The following PRKCE variants were observed in gnomAD, a reference collection of about 807,000 sequenced individuals.
PRKCE encodes protein kinase C epsilon type.
In PRKCE, 16 loss-of-function variants were observed where a neutral mutation model predicts 85.4. That is an observed-to-expected ratio of 0.19 (90% CI 0.13 to 0.28). The LOEUF (loss-of-function observed/expected upper bound fraction) is 0.28, where lower values mean the gene tolerates loss of function less well. PRKCE is among the 10% of genes least tolerant of loss of function. The pLI is 1.00. For missense variants in PRKCE, 573 were observed against 975.2 expected (o/e 0.59, Z 5.49); for synonymous variants, 388 against 371.5 (o/e 1.04, Z -0.51).
chr2:45,672,672 G>T (rs910801085), intron 1 of PRKCE, among the ~76,000 whole-genome samples: 1 of 152,170 alleles, frequency 6.6e-6, no homozygotes, highest in South Asian at 2.1e-4. Flanking sequence ...CTATTTGGTT[G>T]AGATTACCAT....
chr2:45,746,072 G>T lies in PRKCE; in HGVS notation c.348+93624G>T, dbSNP rs752307404. On this transcript the variant is annotated intron_variant, in intron 1 of 14. Transcript: ENST00000306156. ...GAAGGAAGTTAGGCAGCAATCCTAA[G>T]TATCTGTCTCTGCTTTCCGAGATGT... is the stretch of plus-strand genomic sequence containing the variant. Among the ~76,000 whole-genome samples the T allele has an allele frequency of 9.2e-5, 14 of 152,186 alleles. 1 individual carries two copies. Among genetic ancestry groups the T allele is most frequent in the Non-Finnish European group, 1.5e-4 (10 of 68,030 alleles).
At chr2:45,909,373 A>G (rs917389619) in intron 2 of PRKCE, among the ~76,000 whole-genome samples, 3 of 152,168 alleles carry the variant, frequency 2.0e-5, no homozygotes, top group Non-Finnish European at 2.9e-5. Context: ...GCTGATATTA[A>G]CAATTCAACA....
chr2:46,154,652 T>A (rs1206040039), intron 13 of PRKCE, among the ~76,000 whole-genome samples: 28 of 151,808 alleles, frequency 1.8e-4, no homozygotes, highest in Admixed American at 1.8e-3. Context: ...CTTCTCCATC[T>A]CCTTTGCTAC....
chr2:45,972,758 G>A (rs1413000027), intron 2 of PRKCE, among the ~76,000 whole-genome samples: 1 of 152,188 alleles, frequency 6.6e-6, no homozygotes, highest in African/African-American at 2.4e-5. Context: ...TCTTGTTGAA[G>A]ATCAGTTGAC....
At chr2:46,040,381 C>T (rs1388226951) in intron 10 of PRKCE, among the ~76,000 whole-genome samples, 1 of 152,204 alleles carries the variant, frequency 6.6e-6, no homozygotes, top group Non-Finnish European at 1.5e-5. Flanking sequence ...GGAGGACAGA[C>T]AGATGGCAGA....
chr2:45,847,403 T>C (rs1205061854), intron 2 of PRKCE, among the ~76,000 whole-genome samples: 3 of 152,240 alleles, frequency 2.0e-5, no homozygotes, highest in South Asian at 2.1e-4. Flanking sequence ...TCAAATCCCT[T>C]AACCTTTCAG....
intron 1 of PRKCE, among the ~76,000 whole-genome samples, chr2:45,669,884 G>A (rs1676076791): frequency 6.6e-6 from 1 of 152,144 alleles, no homozygotes; most frequent in African/African-American, 2.4e-5. Context: ...GGAGGCAGGT[G>A]CCAGTAATCC....
intron 1 of PRKCE, among the ~76,000 whole-genome samples, chr2:45,840,866 A>G (rs1266296137): frequency 6.6e-6 from 1 of 152,154 alleles, no homozygotes; most frequent in Non-Finnish European, 1.5e-5. Context: ...TGTGGTGCTC[A>G]TGGTATAGCT....
chr2:46,177,783 A>T (rs1047478350), intron 14 of PRKCE, among the ~76,000 whole-genome samples: 1 of 152,248 alleles, frequency 6.6e-6, no homozygotes, highest in African/African-American at 2.4e-5. Flanking sequence ...TACAACTAAG[A>T]TAGTGTCAAT....
intron 10 of PRKCE, among the ~76,000 whole-genome samples, chr2:46,056,223 C>T (rs374091793): frequency 6.0e-5 from 9 of 151,156 alleles, no homozygotes; most frequent in Admixed American, 2.0e-4. Flanking sequence ...TACTTCTTCA[C>T]GGTTAATGTT....
chr2:45,653,370 GTTTTTTTTTTTTT>G (rs34888247), intron 1 of PRKCE, among the ~76,000 whole-genome samples: 6 of 61,464 alleles, frequency 9.8e-5, no homozygotes, highest in Non-Finnish European at 1.5e-4. Context: ...TTTTTGGGTT[GTTTTTTTTTTTTT>G]TTTTTTTTTT....
At chr2:45,993,975 G>C (rs564080563) in intron 6 of PRKCE, among the ~76,000 whole-genome samples, 1 of 151,724 alleles carries the variant, frequency 6.6e-6, no homozygotes, top group Non-Finnish European at 1.5e-5. Flanking sequence ...TGGGCATCTT[G>C]GGTTCAGTAG....
chr2:45,957,952 A>G (rs1405021464), intron 2 of PRKCE, among the ~76,000 whole-genome samples: 1 of 147,588 alleles, frequency 6.8e-6, no homozygotes, highest in Non-Finnish European at 1.5e-5. Flanking sequence ...TCCTGGTCAC[A>G]TCATCCCTAA....
At chr2:45,947,626 A>G (rs1304878434) in intron 2 of PRKCE, among the ~76,000 whole-genome samples, 1 of 152,202 alleles carries the variant, frequency 6.6e-6, no homozygotes, top group Non-Finnish European at 1.5e-5. Context: ...GGCAGCTTGG[A>G]GACATCTTTT....
Position 46,159,849 on chromosome 2 carries a change from G to GT in PRKCE, c.2067+98dup. The GT allele has an allele frequency of 1.4e-6, 2 of 1,465,272 alleles. No homozygotes were observed. The highest frequency in any genetic ancestry group is 1.8e-6 in the Non-Finnish European group (2 of 1,084,878). The allele number at this position is 1,465,272 out of a possible 1,614,324, so 90.8% of individuals were successfully genotyped here. A position where few individuals can be genotyped will look rare whatever the true frequency, so the allele number is the denominator to read the frequency against. Reference sequence around the variant, plus strand: ...CCAGGAAGAGTTGGTCAGGGGATGCGTATTACAGTAAAAATGACAAAGACC... The same window carrying GT: ...CCAGGAAGAGTTGGTCAGGGGATGCGTTATTACAGTAAAAATGACAAAGACC... On this transcript the variant is annotated intron_variant, in intron 14 of 14. Transcript: ENST00000306156. This position sits in a 1 kb window ranked among gnomAD's most constrained non-coding sequence, Gnocchi z 4.1.
intron 2 of PRKCE, among the ~76,000 whole-genome samples, chr2:45,953,396 G>A (rs1440260843): frequency 1.3e-5 from 2 of 152,134 alleles, no homozygotes; most frequent in South Asian, 2.1e-4. Flanking sequence ...CTTTTCATAC[G>A]CTTTTCAATT....
intron 2 of PRKCE, among the ~76,000 whole-genome samples, chr2:45,911,476 G>C (rs1311708702): frequency 2.0e-5 from 3 of 152,198 alleles, no homozygotes; most frequent in Non-Finnish European, 4.4e-5. Flanking sequence ...CTATTTCCAG[G>C]AGGCCATACC....
intron 2 of PRKCE, among the ~76,000 whole-genome samples, chr2:45,877,185 C>G (rs13409752): frequency 0.013 from 1,973 of 152,206 alleles, 40 homozygotes; most frequent in African/African-American, 0.045. Context: ...AGTATGGTTG[C>G]TGTTGAGAAG....
intron 2 of PRKCE, among the ~76,000 whole-genome samples, chr2:45,937,343 A>C (rs770351624): frequency 1.2e-4 from 18 of 152,058 alleles, no homozygotes; most frequent in Non-Finnish European, 2.5e-4. Flanking sequence ...TCTGAGGGTG[A>C]CCTGAGCCAC....
Sources: allele counts gnomAD v4.1 joint callset (sites outside exome capture counted in the v4.1 genomes callset), GRCh38; gene constraint gnomAD v4.1.1; non-coding constraint Gnocchi (gnomAD v3.1); transcripts MANE v1.5; gene names NCBI Gene and HGNC (gene_info 2026-07-23, HGNC 2026-07-21).